The following NPAS4 variants were observed in gnomAD, a reference collection of about 807,000 sequenced individuals.
NPAS4 encodes neuronal PAS domain-containing protein 4.
A neutral mutation model predicts 64.0 loss-of-function variants in NPAS4; 10 were observed. That is an observed-to-expected ratio of 0.16 (90% confidence interval 0.10 to 0.26). The LOEUF (loss-of-function observed/expected upper bound fraction) is 0.26, where lower values mean the gene tolerates loss of function less well. Among genes scored for constraint, NPAS4 ranks in the 10% least tolerant of loss-of-function variants. NPAS4 has a pLI of 1.00. For synonymous variants in NPAS4, 441 were observed against 411.7 expected, an observed-to-expected ratio of 1.07 and a Z score of -0.86; for missense variants, 886 against 992.6, an observed-to-expected ratio of 0.89 and a Z score of 1.44.
At chr11:66,413,564 C>T in the NPAS4 span, among the ~76,000 whole-genome samples, 1 of 152,226 alleles carries the variant, frequency 6.6e-6, no homozygotes, top group Non-Finnish European at 1.5e-5. Flanking sequence ...AGAGGCTGCC[C>T]TCTCTCCACT....
chr11:66,423,734 C>A, intron 6 of NPAS4, 21 bp downstream of exon 6: 2 of 1,613,788 alleles, frequency 1.2e-6, no homozygotes, highest in Non-Finnish European at 1.7e-6. Context: ...AGCCAGGGGA[C>A]TAGGGGGCAG....
At chr11:66,416,253 C>G (rs1459797741), upstream of NPAS4, among the ~76,000 whole-genome samples, 3 of 152,214 alleles carry the variant, frequency 2.0e-5, no homozygotes, top group Non-Finnish European at 2.9e-5. Flanking sequence ...CCCTTGCCTG[C>G]TGAGGGTAGC....
At chr11:66,412,991 A>G in the NPAS4 span, among the ~76,000 whole-genome samples, 1 of 152,212 alleles carries the variant, frequency 6.6e-6, no homozygotes, top group Non-Finnish European at 1.5e-5. Context: ...AAAATTTCTT[A>G]CAAATGTTTA....
At chr11:66,415,217 C>G in the NPAS4 span, among the ~76,000 whole-genome samples, 2 of 152,162 alleles carry the variant, frequency 1.3e-5, no homozygotes, top group African/African-American at 4.8e-5. Context: ...GGGGAGGGTA[C>G]ATCTCCACAG....
rs374933742 is a variant in NPAS4, at chr11:66,422,833, C to T, written c.590C>T (p.Pro197Leu). Reference protein sequence around the residue: ...VFTAFCAPLEPRPRPGPGPGP... With the variant: ...VFTAFCAPLELRPRPGPGPGP... ...ACAGCTTTCTGTGCCCCTCTGGAGC[C>T]GAGACCCCGCCCAGGTCCTGGCCCT... The change falls in exon 4 of 8, where the codon CCG (proline) becomes CTG (leucine). Residue 197 changes from proline (P) to leucine (L), a missense_variant. By Grantham distance (98) the Pro-to-Leu change is moderately conservative (BLOSUM62 -3). Around this residue, in one of 3 missense-constraint regions of NPAS4, gnomAD observed 820 missense variants for 855.5 expected, o/e 0.96. Coordinates refer to ENST00000311034, the MANE Select transcript of NPAS4 (RefSeq NM_178864.4). 179 of 1,613,880 alleles carry T rather than the reference C, an allele frequency of 1.1e-4. No individual in the cohort carries two copies. The highest frequency in any genetic ancestry group is 1.3e-4 in the Non-Finnish European group (156 of 1,180,048).
upstream of NPAS4, chr11:66,420,902 G>A: frequency 2.5e-6 from 1 of 397,670 alleles, no homozygotes; most frequent in East Asian, 4.2e-5. Flanking sequence ...GGGAGGAGGA[G>A]CCCCCCTCCC....
At chr11:66,412,106 G>C in the NPAS4 span, among the ~76,000 whole-genome samples, 26 of 152,274 alleles carry the variant, frequency 1.7e-4, no homozygotes, top group Non-Finnish European at 2.9e-4. Context: ...GGAAGGGGAA[G>C]AAAGGAGGTG....
the NPAS4 span, among the ~76,000 whole-genome samples, chr11:66,412,014 C>A: frequency 6.6e-6 from 1 of 152,220 alleles, no homozygotes; most frequent in Non-Finnish European, 1.5e-5. Context: ...CATCTGTAAA[C>A]TCCTATGTTA....
rs1590692664 is a variant in NPAS4, at chr11:66,421,105, G to A, written c.-75G>A. 1.5e-6 allele frequency: 2 copies of A among 1,321,612 alleles called. No individual in the cohort carries two copies. Among genetic ancestry groups the A allele is most frequent in the Non-Finnish European group, 1.0e-6 (1 of 954,216 alleles). 81.9% of individuals were successfully genotyped at this position (1,321,612 alleles called of 1,614,324 possible). Reference sequence around the variant, plus strand: ...GAGCGAGAGACGGGGAAGCACGGAGGAGGAAGCCGCCGGTGCGTCGGGACG... The same window carrying A: ...GAGCGAGAGACGGGGAAGCACGGAGAAGGAAGCCGCCGGTGCGTCGGGACG... On this transcript the variant is annotated 5_prime_UTR_variant, in exon 1 of 8. Coordinates refer to ENST00000311034, the MANE Select transcript of NPAS4 (RefSeq NM_178864.4).
chr11:66,420,512 G>C (rs1856724688), upstream of NPAS4, among the ~76,000 whole-genome samples: 1 of 152,194 alleles, frequency 6.6e-6, no homozygotes, highest in African/African-American at 2.4e-5. Context: ...CCTGTCCCAC[G>C]GAGGCCAAGG....
chr11:66,424,944 A>G lies in NPAS4; in HGVS notation c.2054A>G (p.Asp685Gly). 6.2e-7 allele frequency: 1 copy of G among 1,614,090 alleles called. No individual in the cohort carries two copies. The highest frequency in any genetic ancestry group is 8.5e-7 in the Non-Finnish European group (1 of 1,180,008). Residue 685 changes from aspartate to glycine, a missense_variant, in exon 7 of 8, where the codon GAC becomes GGC. Asp to Gly is a moderately conservative substitution (Grantham distance 94, BLOSUM62 -1). This residue lies in a region of NPAS4 where 820 missense variants were observed against 855.5 expected (regional missense o/e 0.96). Transcript: ENST00000311034. ...GCAGGCCCCCCTGTGCTCAGCCTGG[A>G]CCTGAAACCCTGGAAATGCCAGGAG... is the stretch of plus-strand genomic sequence containing the variant. Reference protein sequence around the residue: ...SGAGPPVLSLDLKPWKCQELD... With the variant: ...SGAGPPVLSLGLKPWKCQELD...
Position 66,423,871 on chromosome 11 carries a change from C to T in NPAS4, c.981C>T (p.Asn327=). The T allele has an allele frequency of 3.7e-6, 6 of 1,612,882 alleles. No individual in the cohort carries two copies. Among genetic ancestry groups the T allele is most frequent in the East Asian group, 2.2e-5 (1 of 44,874 alleles). The change falls in exon 7 of 8, where the codon AAC becomes AAT. Residue 327 remains asparagine (N), a synonymous_variant. Transcript: ENST00000311034. Reference sequence around the variant, plus strand: ...CCTGGAGCCTCCGCCAGCAGTTGAACTCTGAAGACACCCAGGCAGCTTATG... The same window carrying T: ...CCTGGAGCCTCCGCCAGCAGTTGAATTCTGAAGACACCCAGGCAGCTTATG... ...MEAWSLRQQL[N]SEDTQAAYVL... is the part of the protein sequence containing the mutation.
At chr11:66,419,751 T>C (rs1279031849), upstream of NPAS4, among the ~76,000 whole-genome samples, 2 of 151,790 alleles carry the variant, frequency 1.3e-5, no homozygotes, top group African/African-American at 2.4e-5. Context: ...TAGAAAAGGA[T>C]ATGAAAGGAC....
At position 66,426,387 on chromosome 11, in the gene NPAS4, C is replaced by T. The variant is rs1856838711; in HGVS notation, c.*398C>T. 5.4e-6 allele frequency: 1 copy of T among 184,400 alleles called. No homozygotes were observed. Among genetic ancestry groups the T allele is most frequent in the South Asian group, 1.3e-4 (1 of 7,904 alleles). The allele number at this position is 184,400 out of a possible 1,614,324, so 11.4% of individuals were successfully genotyped here. A position where few individuals can be genotyped will look rare whatever the true frequency, so the allele number is the denominator to read the frequency against. ...GGGCCCACCCGGGCCAGCCCGTGCC[C>T]TGAGGGGCTCTTGACACCCACGTAG... On this transcript the variant is annotated 3_prime_UTR_variant, in exon 8 of 8. Coordinates refer to ENST00000311034, the MANE Select transcript of NPAS4 (RefSeq NM_178864.4).
rs1204581140 is a variant in NPAS4 at position 66,422,946 on chromosome 11, G to A, written c.698+5G>A. 2 of 1,602,362 alleles carry A rather than the reference G, an allele frequency of 1.2e-6. No individual in the cohort carries two copies. The highest frequency in any genetic ancestry group is 3.3e-5 in the Admixed American group (2 of 59,940). On this transcript the variant is annotated splice_donor_5th_base_variant and intron_variant, in intron 4 of 7. Transcript: ENST00000311034. ...TCTACTGGACATCTCCGAGAGGTAA[G>A]CCTGGAGTGTTCAGATTCCAAGAGA... is the stretch of plus-strand genomic sequence containing the variant.
chr11:66,411,474 C>T, the NPAS4 span, among the ~76,000 whole-genome samples: 9 of 152,310 alleles, frequency 5.9e-5, no homozygotes, highest in East Asian at 9.6e-4. Flanking sequence ...AAACATAATC[C>T]GCTGACATCT....
chr11:66,416,068 C>T (rs767611818), upstream of NPAS4, among the ~76,000 whole-genome samples: 6 of 152,202 alleles, frequency 3.9e-5, no homozygotes, highest in Non-Finnish European at 7.3e-5. Context: ...GGCCACTGCA[C>T]TCTAGTCTAG....
At chr11:66,413,579 C>T in the NPAS4 span, among the ~76,000 whole-genome samples, 1 of 152,256 alleles carries the variant, frequency 6.6e-6, no homozygotes, top group East Asian at 1.9e-4. Flanking sequence ...TCCACTTTTG[C>T]TGCATGTCCC....
intron 5 of NPAS4, 166 bp from the exon 6 acceptor site, chr11:66,423,412 G>T: frequency 1.2e-6 from 1 of 849,594 alleles, no homozygotes; most frequent in East Asian, 2.6e-5. Context: ...CAGAACTGGG[G>T]GACTCTGAGT....
Sources: allele counts gnomAD v4.1 joint callset (sites outside exome capture counted in the v4.1 genomes callset), GRCh38; gene constraint gnomAD v4.1.1; regional missense constraint gnomAD v4.1.1; transcripts MANE v1.5; gene names NCBI Gene and HGNC (gene_info 2026-07-23, HGNC 2026-07-21).